Variants in ZNF385D observed in about 807,000 individuals in gnomAD.
The protein encoded by ZNF385D is zinc finger protein 659.
Under a neutral mutation model 35.8 loss-of-function variants are expected in ZNF385D, and 15 were observed. That is an observed-to-expected ratio of 0.42 (90% CI 0.28 to 0.64). ZNF385D has a LOEUF of 0.64. Ranked by LOEUF, ZNF385D falls within the 30% of genes least tolerant of loss-of-function variation. The pLI is 0.23. For synonymous variants in ZNF385D, 212 were observed against 186.8 expected (o/e 1.13, Z -1.10); for missense variants, 474 against 494.6 (o/e 0.96, Z 0.39).
chr3:21,771,770 G>T (rs574832863), intron 3 of ZNF385D, among the ~76,000 whole-genome samples: 5 of 151,772 alleles, frequency 3.3e-5, no homozygotes, highest in Non-Finnish European at 5.9e-5. Context: ...ACCATAAATA[G>T]CAAATACAAT....
At chr3:21,441,688 C>G in intron 4 of ZNF385D, 4 of 985,354 alleles carry the variant, frequency 4.1e-6, no homozygotes, top group Non-Finnish European at 3.6e-6. Flanking sequence ...CAACTAACCT[C>G]TTGTGCAGAA....
intron 3 of ZNF385D, among the ~76,000 whole-genome samples, chr3:22,065,253 T>C (rs1055652406): frequency 2.0e-5 from 3 of 152,194 alleles, no homozygotes; most frequent in Non-Finnish European, 1.5e-5. Context: ...GAAGCACTGA[T>C]AGAGAATGAG....
At chr3:22,353,654 T>C (rs1559537013) in intron 2 of ZNF385D, among the ~76,000 whole-genome samples, 1 of 152,140 alleles carries the variant, frequency 6.6e-6, no homozygotes, top group Non-Finnish European at 1.5e-5. Flanking sequence ...ATCACTCTTT[T>C]CAAAACTACT....
At chr3:22,229,087 T>C (rs1559466118) in intron 2 of ZNF385D, among the ~76,000 whole-genome samples, 2 of 152,184 alleles carry the variant, frequency 1.3e-5, no homozygotes, top group South Asian at 2.1e-4. Context: ...CTTAATAAAC[T>C]CTTTCATATA....
At chr3:22,082,306 G>A (rs1252386508) in intron 3 of ZNF385D, among the ~76,000 whole-genome samples, 1 of 152,134 alleles carries the variant, frequency 6.6e-6, no homozygotes, top group Non-Finnish European at 1.5e-5. Flanking sequence ...GCCAAGGGAA[G>A]CCATGACAGA....
At chr3:21,767,378 C>CT (rs10716285) in intron 3 of ZNF385D, among the ~76,000 whole-genome samples, 3 of 151,570 alleles carry the variant, frequency 2.0e-5, no homozygotes, top group South Asian at 4.1e-4. Context: ...TTTACTCATT[C>CT]TTTTTTTTCC....
chr3:22,355,657 G>A (rs1696117279), intron 2 of ZNF385D, among the ~76,000 whole-genome samples: 1 of 151,660 alleles, frequency 6.6e-6, no homozygotes, highest in Non-Finnish European at 1.5e-5. Flanking sequence ...AAGATCCTCT[G>A]TTAAAAAAAA....
intron 3 of ZNF385D, among the ~76,000 whole-genome samples, chr3:21,857,492 A>C (rs1200972848): frequency 6.6e-6 from 1 of 152,004 alleles, no homozygotes; most frequent in Non-Finnish European, 1.5e-5. Context: ...GGAATTAAGG[A>C]AATTAACAAG....
In ZNF385D at chr3:22,058,981, A is replaced by T. The variant is rs1699554832; in HGVS notation, c.325+109836T>A. On this transcript the variant is annotated intron_variant, in intron 3 of 5. Transcript: ENST00000494108. ...TAAGAATATAATCGAATTCAGGGAG[A>T]TTAATTTCAATCACCCCTAAACCTC... is the stretch of plus-strand genomic sequence containing the variant. Among the ~76,000 whole-genome samples, 3 of 152,104 alleles carry T rather than the reference A, an allele frequency of 2.0e-5. 1 individual carries two copies. The South Asian group carries it at 6.2e-4, about 32-fold the overall frequency.
chr3:21,788,785 G>A (rs1408455567), intron 3 of ZNF385D, among the ~76,000 whole-genome samples: 2 of 152,176 alleles, frequency 1.3e-5, no homozygotes, highest in Admixed American at 1.3e-4. Flanking sequence ...GGGACAACAT[G>A]AAATACGGGA....
chr3:22,245,478 C>CA (rs10576851), intron 2 of ZNF385D, among the ~76,000 whole-genome samples: 2,944 of 124,296 alleles, frequency 0.024, 54 homozygotes, highest in African/African-American at 0.046. Context: ...CAGGATAAGC[C>CA]AAAAAAAAAA....
intron 3 of ZNF385D, among the ~76,000 whole-genome samples, chr3:22,063,860 C>A (rs1044821054): frequency 2.0e-5 from 3 of 152,328 alleles, no homozygotes; most frequent in African/African-American, 4.8e-5. Context: ...AGCTCCAGAG[C>A]TCCTTACGGG....
At chr3:21,585,336 T>C (rs2063779419) in intron 2 of ZNF385D, among the ~76,000 whole-genome samples, 1 of 152,190 alleles carries the variant, frequency 6.6e-6, no homozygotes, top group Non-Finnish European at 1.5e-5. Context: ...TACTTTCCTT[T>C]TCTTGGAATA....
intron 4 of ZNF385D, among the ~76,000 whole-genome samples, chr3:21,448,198 G>A (rs1027835293): frequency 1.3e-5 from 2 of 152,100 alleles, no homozygotes; most frequent in Admixed American, 6.6e-5. Context: ...TTTTCAGGGA[G>A]TAAATTCCAC....
intron 3 of ZNF385D, among the ~76,000 whole-genome samples, chr3:21,923,003 A>G (rs1439509817): frequency 6.6e-6 from 1 of 151,770 alleles, no homozygotes; most frequent in Non-Finnish European, 1.5e-5. Context: ...AAAAGAGGAC[A>G]TACAAGTGGC....
At chr3:22,164,831 T>C (rs892708309) in intron 3 of ZNF385D, among the ~76,000 whole-genome samples, 8 of 151,858 alleles carry the variant, frequency 5.3e-5, no homozygotes, top group Admixed American at 2.6e-4. Flanking sequence ...GATAGTTCGA[T>C]GCTAAAAAAG....
At chr3:22,246,895 T>C (rs1448847913) in intron 2 of ZNF385D, among the ~76,000 whole-genome samples, 1 of 152,188 alleles carries the variant, frequency 6.6e-6, no homozygotes, top group African/African-American at 2.4e-5. Context: ...GAACATTCTC[T>C]GTGTAGATAT....
chr3:22,250,579 G>A (rs545139315), intron 2 of ZNF385D, among the ~76,000 whole-genome samples: 1 of 152,186 alleles, frequency 6.6e-6, no homozygotes, highest in Non-Finnish European at 1.5e-5. Flanking sequence ...GTAATTTGGG[G>A]ACTCAGGGGA....
At chr3:21,845,787 A>G (rs1391265527) in intron 3 of ZNF385D, among the ~76,000 whole-genome samples, 1 of 152,042 alleles carries the variant, frequency 6.6e-6, no homozygotes, top group African/African-American at 2.4e-5. Flanking sequence ...TCTAAGAATC[A>G]ACGTCTTTAA....
Sources: gnomAD v4.1 joint callset for allele counts (sites outside exome capture counted in the v4.1 genomes callset) on GRCh38, gnomAD v4.1.1 for gene constraint, MANE v1.5 for transcripts, NCBI Gene and HGNC (gene_info 2026-07-23, HGNC 2026-07-21) for gene names.